INO80: variants seen among roughly 807,000 people sequenced by gnomAD.
INO80 encodes the protein chromatin-remodeling ATPase INO80.
Under a neutral mutation model 203.4 loss-of-function variants are expected in INO80, and 20 were observed. That is an observed-to-expected ratio of 0.10 (90% CI 0.07 to 0.14). INO80 has a LOEUF of 0.14. INO80 is among the 10% of genes least tolerant of loss of function. The pLI, the probability that INO80 is intolerant of heterozygous loss-of-function variation, is 1.00. For missense variants in INO80, 1,419 were observed against 1,914.4 expected, an observed-to-expected ratio of 0.74 and a Z score of 4.83; for synonymous variants, 726 against 685.2, an observed-to-expected ratio of 1.06 and a Z score of -0.93.
chr15:40,982,322 G>GT (rs925607556), intron 35 of INO80, among the ~76,000 whole-genome samples: 10 of 151,996 alleles, frequency 6.6e-5, no homozygotes, highest in Non-Finnish European at 8.8e-5. Flanking sequence ...AATTTTTTGT[G>GT]TTTTTTGGTA....
intron 25 of INO80, among the ~76,000 whole-genome samples, chr15:41,022,451 C>G (rs1412903779): frequency 1.3e-5 from 2 of 151,658 alleles, no homozygotes; most frequent in Non-Finnish European, 2.9e-5. Context: ...GATTTTGAAC[C>G]AGAAGAACTG....
rs182297314 is a variant in INO80 at position 41,051,426 on chromosome 15, C to T, written c.2275-1324G>A. Among the ~76,000 whole-genome samples, 404 of 151,396 alleles carry T rather than the reference C, an allele frequency of 2.7e-3. 3 individuals are homozygous for T. Among genetic ancestry groups the T allele is most frequent in the South Asian group, 0.013 (60 of 4,780 alleles). ...AGCAAAACTATAGTAAGATAGGAAA[C>T]GCTAAATGATGTTTAAGAAACACAT... On this transcript the variant is annotated intron_variant, in intron 19 of 35. Transcript: ENST00000648947.
chr15:40,982,982 C>T lies in INO80; in HGVS notation c.4333G>A (p.Gly1445Arg). ...GTGGACTTTCGGCTCCGGCCCTTCCCTGCTCCTTTGGCTGTGCTTCCTGAA... is the reference window on the plus strand; with the variant it reads ...GTGGACTTTCGGCTCCGGCCCTTCCTTGCTCCTTTGGCTGTGCTTCCTGAA... ...KGSGSTAKGA[G>R]KGRSRKSTAG... The change falls in exon 35 of 36, where the codon GGG (glycine) becomes AGG (arginine). Residue 1445 changes from glycine (G) to arginine (R), a missense_variant. Coordinates refer to ENST00000648947, the MANE Select transcript of INO80 (RefSeq NM_017553.3). The T allele has an allele frequency of 6.2e-7, 1 of 1,614,210 alleles. No individual in the cohort carries two copies. Among genetic ancestry groups the T allele is most frequent in the Non-Finnish European group, 8.5e-7 (1 of 1,180,048 alleles).
At chr15:41,053,822 C>A (rs138725436) in intron 19 of INO80, 107 bp downstream of exon 19, 1 of 727,730 alleles carries the variant, frequency 1.4e-6, no homozygotes, top group African/African-American at 1.7e-5. Flanking sequence ...GTTTAAACGT[C>A]TTCCTTCAAG....
intron 1 of INO80, among the ~76,000 whole-genome samples, chr15:41,112,463 A>C (rs1223202541): frequency 6.6e-6 from 1 of 152,150 alleles, no homozygotes; most frequent in Non-Finnish European, 1.5e-5. Flanking sequence ...TATCATATCA[A>C]GATTTTGATA....
intron 6 of INO80, among the ~76,000 whole-genome samples, chr15:41,085,818 T>G (rs939646709): frequency 2.6e-5 from 4 of 152,188 alleles, no homozygotes; most frequent in African/African-American, 9.7e-5. Context: ...CTCACTCTGT[T>G]TATATGAAAG....
chr15:41,004,247 T>G (rs571632345), intron 28 of INO80, among the ~76,000 whole-genome samples: 3 of 152,328 alleles, frequency 2.0e-5, no homozygotes, highest in Admixed American at 2.0e-4. Context: ...AACAGGCACC[T>G]GGAATTCTGG....
chr15:41,105,360 C>CT (rs1232849708), intron 1 of INO80, among the ~76,000 whole-genome samples: 4 of 152,122 alleles, frequency 2.6e-5, no homozygotes, highest in Non-Finnish European at 5.9e-5. Context: ...AGTAAGGAGG[C>CT]TACATGCTCA....
chr15:41,031,027 T>C (rs1441687856), intron 24 of INO80, among the ~76,000 whole-genome samples: 1 of 152,200 alleles, frequency 6.6e-6, no homozygotes, highest in Non-Finnish European at 1.5e-5. Context: ...AGTTGCTAAG[T>C]CAAGGTGATG....
intron 14 of INO80, among the ~76,000 whole-genome samples, chr15:41,065,121 A>G (rs924130714): frequency 2.0e-5 from 3 of 152,166 alleles, no homozygotes; most frequent in Non-Finnish European, 2.9e-5. Context: ...AGTAAAAACT[A>G]TTCTTAGTTT....
chr15:41,022,226 C>G (rs1219898486), intron 25 of INO80, among the ~76,000 whole-genome samples: 1 of 152,134 alleles, frequency 6.6e-6, no homozygotes. Context: ...GGAGAAACAG[C>G]GTATGAGAAG....
chr15:41,110,019 C>T (rs1216429164), intron 1 of INO80, among the ~76,000 whole-genome samples: 2 of 150,410 alleles, frequency 1.3e-5, no homozygotes, highest in African/African-American at 4.9e-5. Context: ...TGCTTGAGCC[C>T]GGGAGGCAGA....
chr15:40,996,607 A>G (rs2043884932), intron 29 of INO80, among the ~76,000 whole-genome samples: 2 of 151,956 alleles, frequency 1.3e-5, no homozygotes, highest in South Asian at 2.1e-4. Context: ...TACAGGCATG[A>G]GCCACCACGC....
Position 40,989,625 on chromosome 15 carries a change from T to C in INO80, c.3571-1651A>G, listed in dbSNP as rs561648307. On this transcript the variant is annotated intron_variant, in intron 29 of 35. Coordinates refer to ENST00000648947, the MANE Select transcript of INO80 (RefSeq NM_017553.3). ...AGCAGGACTCTTAGATCTCGGTCTC[T>C]TTCCTCTTCAGTCTACCTTGGCTAC... Among the ~76,000 whole-genome samples the C allele has an allele frequency of 5.3e-5, 8 of 152,316 alleles. No homozygotes were observed. The South Asian group carries it at 1.5e-3, about 28-fold the overall frequency.
Position 40,984,206 on chromosome 15 carries a change from A to G in INO80, c.4068T>C (p.Pro1356=). The G allele has an allele frequency of 1.2e-6, 2 of 1,613,454 alleles. No individual in the cohort carries two copies. The highest frequency in any genetic ancestry group is 1.7e-6 in the Non-Finnish European group (2 of 1,179,692). ...FISVDSAMPS[P]FSEISISSEL... Reference sequence around the variant, plus strand: ...CTAAAAGGAGCCTCACCTCACTGAAAGGGCTTGGCATGGCTGAGTCCACGC... The same window carrying G: ...CTAAAAGGAGCCTCACCTCACTGAAGGGGCTTGGCATGGCTGAGTCCACGC... The change falls in exon 33 of 36, where the codon CCT becomes CCC. Residue 1356 remains proline (P), a synonymous_variant. Coordinates refer to ENST00000648947, the MANE Select transcript of INO80 (RefSeq NM_017553.3).
At chr15:41,104,092 A>G (rs2045846695) in intron 1 of INO80, among the ~76,000 whole-genome samples, 2 of 151,072 alleles carry the variant, frequency 1.3e-5, no homozygotes, top group Non-Finnish European at 2.9e-5. Flanking sequence ...GTGGTGGTGC[A>G]TGCCTGTAAT....
At chr15:41,088,449 T>A (rs2045592101) in intron 5 of INO80, among the ~76,000 whole-genome samples, 1 of 152,104 alleles carries the variant, frequency 6.6e-6, no homozygotes, top group African/African-American at 2.4e-5. Context: ...CTTCAAATAG[T>A]CACCAGTCAT....
chr15:41,034,810 G>C (rs1419908544), intron 24 of INO80, among the ~76,000 whole-genome samples: 1 of 152,174 alleles, frequency 6.6e-6, no homozygotes, highest in African/African-American at 2.4e-5. Flanking sequence ...CATGGAATCT[G>C]GGTTCAACTT....
chr15:41,098,972 A>T (rs914085738), intron 1 of INO80, among the ~76,000 whole-genome samples: 14 of 152,058 alleles, frequency 9.2e-5, no homozygotes, highest in Non-Finnish European at 1.9e-4. Context: ...CAGGCTAGAC[A>T]CAGTGGCTCT....
Sources: gnomAD v4.1 joint callset for allele counts (sites outside exome capture counted in the v4.1 genomes callset) on GRCh38, gnomAD v4.1.1 for gene constraint, MANE v1.5 for transcripts, NCBI Gene and HGNC (gene_info 2026-07-23, HGNC 2026-07-21) for gene names.